Variants in SLC12A7 observed in about 807,000 individuals in gnomAD.
SLC12A7 encodes the protein K-Cl cotransporter 4.
Under a neutral mutation model 120.6 loss-of-function variants are expected in SLC12A7, and 100 were observed. The observed-to-expected ratio is 0.83, with a 90% confidence interval of 0.71 to 0.98. The LOEUF (loss-of-function observed/expected upper bound fraction) is 0.98. Ranked by LOEUF, SLC12A7 falls within the 50% of genes least tolerant of loss-of-function variation. The pLI, the probability that SLC12A7 is intolerant of heterozygous loss-of-function variation, is 0.00. For missense variants in SLC12A7, 1,373 were observed against 1,548.1 expected, an observed-to-expected ratio of 0.89 and a Z score of 1.90; for synonymous variants, 760 against 678.0, an observed-to-expected ratio of 1.12 and a Z score of -1.88.
intron 17 of SLC12A7, among the ~76,000 whole-genome samples, chr5:1,069,246 A>G (rs974522746): frequency 6.6e-6 from 1 of 151,260 alleles, no homozygotes; most frequent in African/African-American, 2.4e-5. Flanking sequence ...GCCATTTTTT[A>G]CCTCCATGGG....
In SLC12A7 at chr5:1,094,239, T is replaced by G; in HGVS notation, c.134A>C (p.Asn45Thr). The stretch of plus-strand genomic sequence containing the variant: ...GAGGAATGGGCTGTTTTCTCTTGGA[T>G]TTCCATCTCCTAGTGAGGGAAAAAC... Reference protein sequence around the residue: ...EPERPSPGDGNPRENSPFLNN... With the variant: ...EPERPSPGDGTPRENSPFLNN... Residue 45 changes from asparagine (N) to threonine (T), a missense_variant, in exon 2 of 24, where the codon AAT becomes ACT. Coordinates refer to ENST00000264930, the MANE Select transcript of SLC12A7 (RefSeq NM_006598.3). 6.2e-7 allele frequency: 1 copy of G among 1,612,906 alleles called. No individual in the cohort carries two copies. The highest frequency in any genetic ancestry group is 8.5e-7 in the Non-Finnish European group (1 of 1,179,236).
chr5:1,106,320 G>A (rs1742524402), intron 1 of SLC12A7, among the ~76,000 whole-genome samples: 1 of 152,192 alleles, frequency 6.6e-6, no homozygotes, highest in Admixed American at 6.5e-5. Context: ...AGGCGCGGTG[G>A]TGCGTGCCTG....
chr5:1,081,777 G>C, intron 8 of SLC12A7, 33 bp from the exon 9 acceptor site: 1 of 1,598,426 alleles, frequency 6.3e-7, no homozygotes, highest in Non-Finnish European at 8.5e-7. Context: ...TGGGTTTCTG[G>C]CACCTTCTGT....
chr5:1,113,130 G>A (rs562454492), upstream of SLC12A7, among the ~76,000 whole-genome samples: 18 of 152,306 alleles, frequency 1.2e-4, no homozygotes, highest in Admixed American at 2.0e-4. Flanking sequence ...CCGTCAATGG[G>A]GAATTGGGCT....
At position 1,082,829 on chromosome 5, in the gene SLC12A7, T is replaced by C. The variant is rs75144368; in HGVS notation, c.1129+916A>G. Among the ~76,000 whole-genome samples, 413 of 105,550 alleles carry C rather than the reference T, an allele frequency of 3.9e-3. 2 individuals are homozygous for C. The highest frequency in any genetic ancestry group is 0.013 in the African/African-American group (349 of 27,582). The allele number at this position is 105,550 out of a possible 152,430, so 69.2% of individuals were successfully genotyped here. A position where few individuals can be genotyped will look rare whatever the true frequency, so the allele number is the denominator to read the frequency against. Reference sequence around the variant, plus strand: ...TCTGGAAAGTCCAGGCTTCCCGTCTTGGGTTCTGGAAAGCCTGGGCTTCCC... The same window carrying C: ...TCTGGAAAGTCCAGGCTTCCCGTCTCGGGTTCTGGAAAGCCTGGGCTTCCC... On this transcript the variant is annotated intron_variant, in intron 8 of 23. Transcript: ENST00000264930.
chr5:1,053,566 G>C (rs1022583170), intron 22 of SLC12A7, 84 bp from the exon 23 acceptor site: 1 of 1,503,320 alleles, frequency 6.7e-7, no homozygotes, highest in Non-Finnish European at 9.0e-7. Context: ...CTGATGAGCT[G>C]CATTCACACG....
At chr5:1,097,674 G>A (rs975216388) in intron 1 of SLC12A7, among the ~76,000 whole-genome samples, 8 of 152,168 alleles carry the variant, frequency 5.3e-5, no homozygotes, top group Non-Finnish European at 7.4e-5. Flanking sequence ...TCCAGAACGC[G>A]AGGACGCACA....
chr5:1,066,673 T>G (rs949505988), intron 17 of SLC12A7, among the ~76,000 whole-genome samples: 8 of 152,192 alleles, frequency 5.3e-5, no homozygotes, highest in African/African-American at 1.4e-4. Flanking sequence ...AGGTGGGCCC[T>G]GAAGCCACTG....
the SLC12A7 span, among the ~76,000 whole-genome samples, chr5:1,122,985 C>T: frequency 4.6e-5 from 7 of 152,376 alleles, no homozygotes; most frequent in Admixed American, 3.9e-4. Flanking sequence ...TGCCTGGGGG[C>T]GCGGGGCCTG....
chr5:1,053,427 GGAC>G lies in SLC12A7; in HGVS notation c.3079_3081del (p.Val1027del). The G allele has an allele frequency of 3.1e-6, 5 of 1,614,014 alleles. No individual in the cohort carries two copies. Among genetic ancestry groups the G allele is most frequent in the Non-Finnish European group, 4.2e-6 (5 of 1,180,020 alleles). ...AGCTGCGCATCCTGGGACTTGTTGAGGACGACGCCATTGAGCTTCACAGCCGTG... is the reference window on the plus strand; with the variant it reads ...AGCTGCGCATCCTGGGACTTGTTGAGGACGCCATTGAGCTTCACAGCCGTG... On this transcript the variant is annotated inframe_deletion, in exon 23 of 24. Transcript: ENST00000264930.
At chr5:1,067,606 T>C (rs1737191940) in intron 17 of SLC12A7, among the ~76,000 whole-genome samples, 1 of 152,252 alleles carries the variant, frequency 6.6e-6, no homozygotes, top group Non-Finnish European at 1.5e-5. Flanking sequence ...CTCCAAGTGC[T>C]GGAGCCACGT....
chr5:1,065,317 C>T lies in SLC12A7; in HGVS notation c.2403G>A (p.Gln801=), dbSNP rs751065635. ...VLMAWPASWK[Q]EDNPFSWKNF... is the part of the protein sequence containing the mutation. Reference sequence around the variant, plus strand: ...TCTTCCAGGAGAAGGGGTTGTCCTCCTGCTTCCAGGATGCGGGCCAGGCCA... The same window carrying T: ...TCTTCCAGGAGAAGGGGTTGTCCTCTTGCTTCCAGGATGCGGGCCAGGCCA... The change falls in exon 18 of 24, where the codon CAG becomes CAA. Residue 801 remains glutamine (Q), a synonymous_variant. Transcript: ENST00000264930. The T allele has an allele frequency of 7.6e-6, 12 of 1,584,800 alleles. No homozygotes were observed. The highest frequency in any genetic ancestry group is 9.4e-6 in the Non-Finnish European group (11 of 1,164,122).
chr5:1,083,923 C>G lies in SLC12A7; in HGVS notation c.951G>C (p.Arg317=). 2 of 1,605,850 alleles carry G rather than the reference C, an allele frequency of 1.2e-6. No individual in the cohort carries two copies. The highest frequency in any genetic ancestry group is 1.1e-5 in the South Asian group (1 of 90,930). ...CCTTGACGCAGGCATCGAAGCTGCGCCGTGACAGCGTGCGGTTCCCCAGGA... is the reference window on the plus strand; with the variant it reads ...CCTTGACGCAGGCATCGAAGCTGCGGCGTGACAGCGTGCGGTTCCCCAGGA... ...VCLLGNRTLS[R]RSFDACVKAY... The change falls in exon 8 of 24, where the codon CGG becomes CGC. Residue 317 remains arginine, a synonymous_variant. Transcript: ENST00000264930.
chr5:1,121,046 C>T, the SLC12A7 span, among the ~76,000 whole-genome samples: 15 of 152,194 alleles, frequency 9.9e-5, no homozygotes, highest in East Asian at 3.8e-4. Flanking sequence ...ACGGTAGACT[C>T]GGTGCATCCT....
intron 1 of SLC12A7, among the ~76,000 whole-genome samples, chr5:1,105,649 C>A (rs1369085773): frequency 6.6e-6 from 1 of 152,228 alleles, no homozygotes. Context: ...GCCTCTGCCC[C>A]CAAAAGGGAG....
At chr5:1,104,695 G>A (rs776396505) in intron 1 of SLC12A7, among the ~76,000 whole-genome samples, 5 of 151,992 alleles carry the variant, frequency 3.3e-5, no homozygotes, top group Non-Finnish European at 7.4e-5. Context: ...TGTGGGGTGC[G>A]TGTGGGGTGC....
At chr5:1,142,114 C>T in the SLC12A7 span, among the ~76,000 whole-genome samples, 2 of 151,900 alleles carry the variant, frequency 1.3e-5, no homozygotes, top group East Asian at 2.0e-4. Flanking sequence ...TGCACTGGGC[C>T]GCAGTCAGTT....
chr5:1,055,614 C>A (rs886372220), intron 22 of SLC12A7, among the ~76,000 whole-genome samples: 1 of 152,236 alleles, frequency 6.6e-6, no homozygotes, highest in Non-Finnish European at 1.5e-5. Flanking sequence ...CTTCTCCTGA[C>A]CCTACAGGCC....
chr5:1,075,585 A>C, intron 14 of SLC12A7, 95 bp from the exon 15 acceptor site: 4 of 1,466,454 alleles, frequency 2.7e-6, no homozygotes, highest in Non-Finnish European at 3.6e-6. Context: ...CCTCAGTAAA[A>C]CTCTCTGTTA....
Sources: gnomAD v4.1 joint callset for allele counts (sites outside exome capture counted in the v4.1 genomes callset) on GRCh38, gnomAD v4.1.1 for gene constraint, MANE v1.5 for transcripts, NCBI Gene and HGNC (gene_info 2026-07-23, HGNC 2026-07-21) for gene names.